The following SLC15A4 variants were observed in gnomAD, a reference collection of about 807,000 sequenced individuals.
SLC15A4 encodes hPHT1.
SLC15A4 carries 26 observed loss-of-function variants against 46.1 expected under a neutral mutation model. The ratio of observed to expected loss-of-function variants is 0.56; its 90% CI spans 0.41 to 0.78. The LOEUF (loss-of-function observed/expected upper bound fraction) is 0.78, where lower values mean the gene tolerates loss of function less well. Among genes scored for constraint, SLC15A4 ranks in the 30% least tolerant of loss-of-function variants. The pLI, the probability that SLC15A4 is intolerant of heterozygous loss-of-function variation, is 0.00. For synonymous variants in SLC15A4, 370 were observed against 333.4 expected, an observed-to-expected ratio of 1.11 and a Z score of -1.20; for missense variants, 751 against 755.7, an observed-to-expected ratio of 0.99 and a Z score of 0.07.
Position 128,797,696 on chromosome 12 carries a change from C to T in SLC15A4, c.1573+1563G>A, listed in dbSNP as rs536556794. Among the ~76,000 whole-genome samples, 6 of 152,318 alleles carry T rather than the reference C, an allele frequency of 3.9e-5. No individual in the cohort carries two copies. In the East Asian group the frequency reaches 9.7e-4, roughly 25 times the overall value. On this transcript the variant is annotated intron_variant, in intron 7 of 7. Transcript: ENST00000266771. ...GGGATAAGGGTGGCACAGACACCCCCGGAACCTGGCCTGAGAGCTGCTGCT... is the reference window on the plus strand; with the variant it reads ...GGGATAAGGGTGGCACAGACACCCCTGGAACCTGGCCTGAGAGCTGCTGCT...
intron 7 of SLC15A4, 31 bp downstream of exon 7, chr12:128,799,228 T>C: frequency 6.2e-7 from 1 of 1,610,650 alleles, no homozygotes; most frequent in Non-Finnish European, 8.5e-7. Context: ...TCACTGGCTA[T>C]TTTCAAAAGG....
At chr12:128,794,678 G>A (rs954727938) in intron 7 of SLC15A4, among the ~76,000 whole-genome samples, 1 of 152,192 alleles carries the variant, frequency 6.6e-6, no homozygotes, top group Non-Finnish European at 1.5e-5. Context: ...TAGCTCCCCA[G>A]TACTCAGGAA....
chr12:128,815,657 T>G (rs11609637), intron 1 of SLC15A4: 92,148 of 154,610 alleles, frequency 0.6, 27,737 homozygotes, highest in Non-Finnish European at 0.65. Flanking sequence ...CTGTACCTGG[T>G]TGACAAGAGT....
chr12:128,822,447 C>G (rs897238850), intron 1 of SLC15A4, among the ~76,000 whole-genome samples: 6 of 152,244 alleles, frequency 3.9e-5, no homozygotes, highest in Non-Finnish European at 5.9e-5. Context: ...CTGCGAATCC[C>G]CATGTCTGGA....
At chr12:128,809,247 T>C in intron 4 of SLC15A4, 149 bp downstream of exon 4, 1 of 606,228 alleles carries the variant, frequency 1.6e-6, no homozygotes, top group Non-Finnish European at 2.8e-6. Context: ...GAAAAAATAT[T>C]CTCTAAAATA....
chr12:128,815,028 A>C lies in SLC15A4; in HGVS notation c.589T>G (p.Trp197Gly), dbSNP rs1739199291. The change falls in exon 2 of 8, where the codon TGG becomes GGG. Residue 197 changes from tryptophan (W) to glycine (G), a missense_variant. Physicochemically the swap from Trp to Gly is radical, Grantham distance 184 (BLOSUM62 -2). Transcript: ENST00000266771. ...GPEATRRFFN[W>G]FYWSINLGAI... ...CCCAGGTTAATGCTCCAATAAAACCAATTAAAAAATCTCCTAGTGGCTTCC... is the reference window on the plus strand; with the variant it reads ...CCCAGGTTAATGCTCCAATAAAACCCATTAAAAAATCTCCTAGTGGCTTCC... 1 of 1,612,346 alleles carries C rather than the reference A, an allele frequency of 6.2e-7. No individual in the cohort carries two copies. Among genetic ancestry groups the C allele is most frequent in the African/African-American group, 1.3e-5 (1 of 74,910 alleles).
chr12:128,822,952 G>A (rs1176778186), intron 1 of SLC15A4, among the ~76,000 whole-genome samples: 1 of 152,128 alleles, frequency 6.6e-6, no homozygotes, highest in Non-Finnish European at 1.5e-5. Flanking sequence ...GTAGGCTCAA[G>A]GAATCCTCCT....
At chr12:128,799,500 G>C (rs1469690555) in intron 6 of SLC15A4, 83 bp from the exon 7 acceptor site, 1 of 1,457,206 alleles carries the variant, frequency 6.9e-7, no homozygotes, top group Middle Eastern at 1.9e-4. Flanking sequence ...ATATAGCAGA[G>C]GAAGCGTGGG....
At chr12:128,816,039 G>C (rs1013860401) in intron 1 of SLC15A4, 4 of 152,208 alleles carry the variant, frequency 2.6e-5, no homozygotes, top group African/African-American at 7.2e-5. Flanking sequence ...GCTATTTTTA[G>C]ATTAGACAGG....
intron 2 of SLC15A4, chr12:128,814,465 T>A: frequency 3.0e-6 from 1 of 329,216 alleles, no homozygotes; most frequent in South Asian, 6.3e-5. Context: ...GTCTCCTCGA[T>A]GTCCTCCACA....
At position 128,794,022 on chromosome 12, in the gene SLC15A4, A is replaced by T. The variant is rs200411555; in HGVS notation, c.*174T>A. 417 of 558,650 alleles carry T rather than the reference A, an allele frequency of 7.5e-4. 4 individuals carry two copies. The Middle Eastern group carries it at 8.3e-3, about 11-fold the overall frequency. 34.6% of individuals were successfully genotyped at this position (558,650 alleles called of 1,614,324 possible). On this transcript the variant is annotated 3_prime_UTR_variant, in exon 8 of 8. Coordinates refer to ENST00000266771, the MANE Select transcript of SLC15A4 (RefSeq NM_145648.4). ...AGCGTGCCAGGAGACACGCTGCAGTAAGGCACTTACCAAGCTCCTTTGGAT... is the reference window on the plus strand; with the variant it reads ...AGCGTGCCAGGAGACACGCTGCAGTTAGGCACTTACCAAGCTCCTTTGGAT...
At chr12:128,807,533 G>A (rs1470646195) in intron 5 of SLC15A4, among the ~76,000 whole-genome samples, 6 of 152,336 alleles carry the variant, frequency 3.9e-5, no homozygotes, top group African/African-American at 1.4e-4. Context: ...GGGGGAGAGA[G>A]AGGTCTGAGG....
intron 4 of SLC15A4, 43 bp from the exon 5 acceptor site, chr12:128,808,999 A>G (rs1264468728): frequency 1.3e-6 from 2 of 1,580,530 alleles, no homozygotes; most frequent in Non-Finnish European, 1.7e-6. Flanking sequence ...CCCGCAATAC[A>G]GGCCATCACC....
At chr12:128,810,752 G>A (rs772838562) in intron 2 of SLC15A4, among the ~76,000 whole-genome samples, 8 of 152,210 alleles carry the variant, frequency 5.3e-5, no homozygotes, top group Non-Finnish European at 1.2e-4. Context: ...CCTGACAGTA[G>A]GAAACAGGGA....
intron 1 of SLC15A4, among the ~76,000 whole-genome samples, chr12:128,816,343 T>G (rs1955751348): frequency 6.6e-6 from 1 of 152,248 alleles, no homozygotes. Context: ...TAAATTTATT[T>G]TTAACAAACT....
Position 128,823,611 on chromosome 12 carries a change from C to T in SLC15A4, c.333G>A (p.Ala111=), listed in dbSNP as rs778104483. Residue 111 remains alanine, a synonymous_variant, in exon 1 of 8, where the codon GCG becomes GCA. Coordinates refer to ENST00000266771, the MANE Select transcript of SLC15A4 (RefSeq NM_145648.4). ...GRARAILLSL[A]LYLLGMLAFP... is the part of the protein sequence containing the mutation. ...AGGCCAGCATGCCCAGCAGGTAGAG[C>T]GCCAGGCTCAGCAGGATGGCGCGCG... 8 of 1,464,940 alleles carry T rather than the reference C, an allele frequency of 5.5e-6. No individual in the cohort carries two copies. Among genetic ancestry groups the T allele is most frequent in the South Asian group, 1.3e-5 (1 of 76,410 alleles). The allele number at this position is 1,464,940 out of a possible 1,614,324, so 90.7% of individuals were successfully genotyped here. A position where few individuals can be genotyped will look rare whatever the true frequency, so the allele number is the denominator to read the frequency against.
At chr12:128,806,176 A>AAAAAAG (rs1955586719) in intron 5 of SLC15A4, among the ~76,000 whole-genome samples, 1 of 151,536 alleles carries the variant, frequency 6.6e-6, no homozygotes, top group African/African-American at 2.4e-5. Flanking sequence ...AAAAAAAAAA[A>AAAAAAG]AAAAAAGAAA....
At chr12:128,810,178 T>C (rs1481107226) in intron 2 of SLC15A4, 67 bp from the exon 3 acceptor site, 3 of 1,549,104 alleles carry the variant, frequency 1.9e-6, no homozygotes, top group Non-Finnish European at 2.6e-6. Context: ...TGGTCACAAA[T>C]TAAGTTTGGA....
chr12:128,819,216 C>G (rs1955801767), intron 1 of SLC15A4, among the ~76,000 whole-genome samples: 1 of 151,966 alleles, frequency 6.6e-6, no homozygotes, highest in African/African-American at 2.4e-5. Flanking sequence ...CCAACCTGGC[C>G]AACATGGTGA....
Sources: gnomAD v4.1 joint callset for allele counts (sites outside exome capture counted in the v4.1 genomes callset) on GRCh38, gnomAD v4.1.1 for gene constraint, MANE v1.5 for transcripts, NCBI Gene and HGNC (gene_info 2026-07-23, HGNC 2026-07-21) for gene names.